The following ADRA1A variants were observed in gnomAD, a reference collection of about 807,000 sequenced individuals.
The protein encoded by ADRA1A is adrenoceptor alpha 1A.
A neutral mutation model predicts 29.6 loss-of-function variants in ADRA1A; 31 were observed. The observed-to-expected ratio is 1.05, with a 90% CI of 0.79 to 1.41. ADRA1A has a LOEUF of 1.41. Ranked by LOEUF, ADRA1A falls within the 40% of genes most tolerant of loss-of-function variation. The pLI is 0.00. For missense variants in ADRA1A, 619 were observed against 601.1 expected (o/e 1.03, Z -0.31); for synonymous variants, 311 against 254.3 (o/e 1.22, Z -2.12).
chr8:26,752,158 G>A (rs1488968780), downstream of ADRA1A, among the ~76,000 whole-genome samples: 1 of 152,082 alleles, frequency 6.6e-6, no homozygotes, highest in East Asian at 1.9e-4. Flanking sequence ...TGACTGGAGA[G>A]CATTTTGGTA....
chr8:26,838,756 C>T (rs1044178423), intron 2 of ADRA1A, among the ~76,000 whole-genome samples: 2 of 152,334 alleles, frequency 1.3e-5, no homozygotes, highest in Non-Finnish European at 2.9e-5. Context: ...GATAAAGGTA[C>T]TGTGTGCAAG....
rs182889233 is a variant in ADRA1A, at chr8:26,860,024, C to G, written c.883+4063G>C. Among the ~76,000 whole-genome samples the G allele has an allele frequency of 7.0e-4, 106 of 152,204 alleles. 1 individual carries two copies. Among genetic ancestry groups the G allele is most frequent in the Admixed American group, 6.8e-3 (104 of 15,302 alleles). ...CTCAAGTGATCCGCCTGCTCAGCCT[C>G]CCAAAGTGCTGGGATTAGAGGCATG... On this transcript the variant is annotated intron_variant, in intron 2 of 2. Coordinates refer to ENST00000380573, the MANE Select transcript of ADRA1A (RefSeq NM_000680.4). This position sits in a 1 kb window ranked among gnomAD's most constrained non-coding sequence, Gnocchi z 4.7.
chr8:26,766,236 A>G, downstream of ADRA1A: 1 of 940,378 alleles, frequency 1.1e-6, no homozygotes, highest in African/African-American at 1.6e-5. Flanking sequence ...AAAGGGATGT[A>G]CTTCCCAAAA....
chr8:26,820,905 G>C (rs1488573318), intron 2 of ADRA1A, among the ~76,000 whole-genome samples: 1 of 151,854 alleles, frequency 6.6e-6, no homozygotes, highest in Non-Finnish European at 1.5e-5. Context: ...TGTTGTTGTT[G>C]TTGAGACAGA....
chr8:26,855,966 A>G (rs1813016791), intron 2 of ADRA1A, among the ~76,000 whole-genome samples: 2 of 152,214 alleles, frequency 1.3e-5, no homozygotes, highest in South Asian at 2.1e-4. Context: ...ACTAAGGATT[A>G]TTACTCCATC....
intron 2 of ADRA1A, among the ~76,000 whole-genome samples, chr8:26,832,123 A>C (rs1811017010): frequency 6.6e-6 from 1 of 152,198 alleles, no homozygotes; most frequent in African/African-American, 2.4e-5. Context: ...GCAGCGAGAA[A>C]TGTTGAAGTT....
rs116147110 is a variant in ADRA1A, at chr8:26,774,206, C to A, written c.884-3540G>T. On this transcript the variant is annotated intron_variant, in intron 2 of 2. Coordinates refer to ENST00000380573, the MANE Select transcript of ADRA1A (RefSeq NM_000680.4). ...GCATGCTCCCAAACTGATAGTTCCA[C>A]CAGGGGCAGGTTGCAGGATCCATTC... Among the ~76,000 whole-genome samples the A allele has an allele frequency of 2.2e-3, 334 of 152,276 alleles. 2 individuals are homozygous for A. The highest frequency in any genetic ancestry group is 7.7e-3 in the African/African-American group (322 of 41,558).
intron 2 of ADRA1A, among the ~76,000 whole-genome samples, chr8:26,773,707 C>T (rs1169345739): frequency 9.9e-5 from 15 of 152,168 alleles, no homozygotes; most frequent in Non-Finnish European, 2.2e-4. Flanking sequence ...CCTTCAATTA[C>T]ACTCATTCTG....
At chr8:26,785,890 A>C (rs1189926395) in intron 2 of ADRA1A, among the ~76,000 whole-genome samples, 4 of 152,190 alleles carry the variant, frequency 2.6e-5, no homozygotes, top group Non-Finnish European at 4.4e-5. Flanking sequence ...TCAGTAGATC[A>C]GAACTCCTAG....
chr8:26,773,903 C>G (rs1455483905), intron 2 of ADRA1A, among the ~76,000 whole-genome samples: 1 of 152,274 alleles, frequency 6.6e-6, no homozygotes, highest in South Asian at 2.1e-4. Context: ...CCTGGCCTCC[C>G]CCTCTCTGTA....
chr8:26,803,823 A>G (rs922814343), intron 2 of ADRA1A, among the ~76,000 whole-genome samples: 1 of 152,198 alleles, frequency 6.6e-6, no homozygotes, highest in African/African-American at 2.4e-5. Flanking sequence ...GATGCTCAGC[A>G]TCGCCAGTCA....
At chr8:26,851,044 A>G (rs1812591841) in intron 2 of ADRA1A, among the ~76,000 whole-genome samples, 1 of 151,828 alleles carries the variant, frequency 6.6e-6, no homozygotes, top group East Asian at 1.9e-4. Context: ...AAAAATCCAG[A>G]GCACAGGAGT....
chr8:26,837,121 A>G (rs891547977), intron 2 of ADRA1A, among the ~76,000 whole-genome samples: 2 of 151,048 alleles, frequency 1.3e-5, no homozygotes, highest in African/African-American at 4.9e-5. Context: ...ATAAGTGCTG[A>G]GAGATATTTG....
chr8:26,772,883 A>ATATG lies in ADRA1A; in HGVS notation c.884-2218_884-2217insCATA, dbSNP rs79239280. Among the ~76,000 whole-genome samples, 9 of 151,728 alleles carry ATATG rather than the reference A, an allele frequency of 5.9e-5. No individual in the cohort carries two copies. In the East Asian group the frequency reaches 1.4e-3, roughly 23 times the overall value. ...TTCACACACACACACACACACACAC[A>ATATG]ATGGGTGTTTATTTGGAAAACATGT... is the stretch of plus-strand genomic sequence containing the variant. On this transcript the variant is annotated intron_variant, in intron 2 of 2. Coordinates refer to ENST00000380573, the MANE Select transcript of ADRA1A (RefSeq NM_000680.4).
chr8:26,863,832 G>C (rs1304321529), intron 2 of ADRA1A, among the ~76,000 whole-genome samples: 1 of 152,152 alleles, frequency 6.6e-6, no homozygotes, highest in East Asian at 1.9e-4. Context: ...TTATTAAAGA[G>C]ACCAATTAAT....
downstream of ADRA1A, among the ~76,000 whole-genome samples, chr8:26,762,423 C>T (rs535374736): frequency 5.3e-5 from 8 of 152,268 alleles, no homozygotes; most frequent in East Asian, 1.4e-3. This position sits in a 1 kb window ranked among gnomAD's most constrained non-coding sequence, Gnocchi z 4.0. Flanking sequence ...CAGAATCAGG[C>T]TGACCTGGGA....
intron 2 of ADRA1A, among the ~76,000 whole-genome samples, chr8:26,789,592 C>T (rs990934365): frequency 2.0e-5 from 3 of 152,178 alleles, no homozygotes; most frequent in African/African-American, 7.2e-5. Context: ...TGCTTCAGGA[C>T]ATTGGTCTGG....
At chr8:26,837,095 A>G (rs1444850104) in intron 2 of ADRA1A, among the ~76,000 whole-genome samples, 3 of 152,140 alleles carry the variant, frequency 2.0e-5, no homozygotes, top group Non-Finnish European at 4.4e-5. Flanking sequence ...AAAGGTAGAT[A>G]TACAATGGCT....
rs1228411396 is a variant in ADRA1A, at chr8:26,796,622, C to T, written c.884-25956G>A. 6.6e-6 allele frequency among the ~76,000 whole-genome samples: 1 copy of T among 151,990 alleles called. No individual in the cohort carries two copies. The highest frequency in any genetic ancestry group is 2.4e-5 in the African/African-American group (1 of 41,372). ...CCTACACGTGGCCGCAGAGAACAGA[C>T]ACCATGGGGACATATGAGACAGTGG... On this transcript the variant is annotated intron_variant, in intron 2 of 2. Coordinates refer to ENST00000380573, the MANE Select transcript of ADRA1A (RefSeq NM_000680.4). The surrounding 1 kb of genome is among the most constrained non-coding windows in gnomAD (Gnocchi z 5.0).
Sources: gnomAD v4.1 joint callset for allele counts (sites outside exome capture counted in the v4.1 genomes callset) on GRCh38, gnomAD v4.1.1 for gene constraint, Gnocchi (gnomAD v3.1) non-coding constraint, MANE v1.5 for transcripts, NCBI Gene and HGNC (gene_info 2026-07-23, HGNC 2026-07-21) for gene names.